TMEM255A: variants seen among roughly 807,000 people sequenced by gnomAD.
TMEM255A encodes transmembrane protein 255A.
In TMEM255A, 14 loss-of-function variants were observed where a neutral mutation model predicts 23.5. The ratio of observed to expected loss-of-function variants is 0.60; its 90% CI spans 0.39 to 0.93. The LOEUF (loss-of-function observed/expected upper bound fraction) is 0.93. Ranked by LOEUF, TMEM255A falls within the 40% of genes least tolerant of loss-of-function variation. The probability of loss-of-function intolerance (pLI) is 0.00; values close to 1 mark genes in which losing one functional copy is unlikely to be tolerated. For missense variants in TMEM255A, 233 were observed against 261.7 expected (o/e 0.89, Z 0.76); for synonymous variants, 104 against 100.3 (o/e 1.04, Z -0.22).
At chrX:120,271,279 TAGAA>T (rs1189504888) in intron 7 of TMEM255A, among the ~76,000 whole-genome samples, 32 of 111,753 alleles carry the variant, frequency 2.9e-4, no homozygotes, top group Admixed American at 2.6e-3. Flanking sequence ...TGGGATGAAA[TAGAA>T]AGAGCAAAGG....
downstream of TMEM255A, chrX:120,258,529 T>G (rs782004352): frequency 3.5e-5 from 4 of 113,351 alleles, no homozygotes; most frequent in East Asian, 8.3e-4. Context: ...CCACTAGGTT[T>G]TATATGTTGG....
intron 2 of TMEM255A, among the ~76,000 whole-genome samples, chrX:120,295,294 C>T (rs2057946885): frequency 9.0e-6 from 1 of 111,444 alleles, no homozygotes; most frequent in Non-Finnish European, 1.9e-5. Context: ...CTCACAGGGA[C>T]ATCTATTTCA....
chrX:120,298,193 C>G (rs1271796425), intron 2 of TMEM255A, among the ~76,000 whole-genome samples: 1 of 111,178 alleles, frequency 9.0e-6, no homozygotes, highest in Non-Finnish European at 1.9e-5. Flanking sequence ...TGTTCCCATT[C>G]ACTGTCCCAG....
chrX:120,272,184 G>C (rs949663845), intron 7 of TMEM255A, among the ~76,000 whole-genome samples: 2 of 111,311 alleles, frequency 1.8e-5, no homozygotes, highest in Non-Finnish European at 1.9e-5. Context: ...GGGGAGCCCT[G>C]TCTGCACCTA....
downstream of TMEM255A, chrX:120,254,619 C>A (rs1556015019): frequency 8.3e-7 from 1 of 1,211,509 alleles, no homozygotes; most frequent in East Asian, 3.0e-5. Flanking sequence ...TACTAATGAT[C>A]CAGGCGTAGG....
intron 7 of TMEM255A, among the ~76,000 whole-genome samples, chrX:120,274,882 C>T (rs1216181145): frequency 9.0e-6 from 1 of 111,695 alleles, no homozygotes; most frequent in Non-Finnish European, 1.9e-5. Flanking sequence ...ACCACCTACT[C>T]CATTTGTGCA....
At chrX:120,295,447 T>C (rs1052015508) in intron 2 of TMEM255A, among the ~76,000 whole-genome samples, 1 of 110,754 alleles carries the variant, frequency 9.0e-6, no homozygotes, top group Non-Finnish European at 1.9e-5. Context: ...GGAATGAATG[T>C]AAATCTCCAG....
chrX:120,253,426 G>A, the TMEM255A span: 1 of 1,209,167 alleles, frequency 8.3e-7, no homozygotes, highest in Non-Finnish European at 1.1e-6. Flanking sequence ...ATGGAGAGTA[G>A]AAAACTGATT....
intron 8 of TMEM255A, among the ~76,000 whole-genome samples, chrX:120,266,059 C>G: frequency 9.5e-6 from 1 of 105,749 alleles, no homozygotes; most frequent in South Asian, 4.4e-4. Flanking sequence ...GAGGCTGAGG[C>G]AGGAGAATCG....
intron 5 of TMEM255A, chrX:120,285,680 G>A (rs782433655): frequency 6.8e-5 from 82 of 1,209,092 alleles, no homozygotes; most frequent in Non-Finnish European, 8.3e-5. Flanking sequence ...AGAATTTTTG[G>A]TTGAGGAACT....
intron 4 of TMEM255A, among the ~76,000 whole-genome samples, chrX:120,290,199 A>G (rs959525808): frequency 8.9e-6 from 1 of 112,063 alleles, no homozygotes; most frequent in Non-Finnish European, 1.9e-5. Flanking sequence ...ATTATATCTC[A>G]ATAAAGCTAT....
At chrX:120,252,409 C>A in the TMEM255A span, among the ~76,000 whole-genome samples, 1 of 110,498 alleles carries the variant, frequency 9.0e-6, no homozygotes, top group Non-Finnish European at 1.9e-5. Flanking sequence ...CTGGAAATAT[C>A]TTCTGCAAAG....
chrX:120,264,578 C>T (rs2057702772), intron 8 of TMEM255A, among the ~76,000 whole-genome samples: 1 of 110,975 alleles, frequency 9.0e-6, no homozygotes, highest in Non-Finnish European at 1.9e-5. Flanking sequence ...AGTCTTTTTT[C>T]CTCATCCTCC....
chrX:120,255,365 T>C, downstream of TMEM255A: 2 of 1,211,534 alleles, frequency 1.7e-6, no homozygotes, highest in Non-Finnish European at 2.2e-6. Context: ...AGGAAAATGA[T>C]TCAATTTTTA....
Position 120,299,176 on chromosome X carries a change from C to T in TMEM255A, c.202-5125G>A, listed in dbSNP as rs781833249. On this transcript the variant is annotated intron_variant, in intron 2 of 8. Coordinates refer to ENST00000371369, the MANE Select transcript of TMEM255A (RefSeq NM_001104544.3). ...TTATTTATTTAGAGACAGGATCTCA[C>T]TCTGTCACCCAGTCTGGAATTCAGT... is the stretch of plus-strand genomic sequence containing the variant. Among the ~76,000 whole-genome samples the T allele has an allele frequency of 6.5e-4, 73 of 111,948 alleles. No homozygotes were observed. In the South Asian group the frequency reaches 0.025, roughly 39 times the overall value.
At chrX:120,272,526 G>A (rs2147186503) in intron 7 of TMEM255A, among the ~76,000 whole-genome samples, 1 of 110,898 alleles carries the variant, frequency 9.0e-6, no homozygotes, top group South Asian at 3.8e-4. Context: ...CCATGCTGCT[G>A]TTCTGATGAT....
At chrX:120,253,873 A>G (rs1219747667), downstream of TMEM255A, 6 of 1,209,506 alleles carry the variant, frequency 5.0e-6, no homozygotes, top group Non-Finnish European at 6.7e-6. Flanking sequence ...CAGAAATCAA[A>G]AGATGAAGCC....
chrX:120,294,665 T>C (rs1313246986), intron 2 of TMEM255A, among the ~76,000 whole-genome samples: 1 of 111,584 alleles, frequency 9.0e-6, no homozygotes, highest in Non-Finnish European at 1.9e-5. Flanking sequence ...ATGTGACTGG[T>C]GAGTCAGTAA....
intron 8 of TMEM255A, among the ~76,000 whole-genome samples, chrX:120,262,517 C>T (rs1196116871): frequency 9.0e-6 from 1 of 111,316 alleles, no homozygotes; most frequent in Non-Finnish European, 1.9e-5. Flanking sequence ...GGACTCAAGA[C>T]AATCTAGATT....
Sources: allele counts gnomAD v4.1 joint callset (sites outside exome capture counted in the v4.1 genomes callset), GRCh38; gene constraint gnomAD v4.1.1; transcripts MANE v1.5; gene names NCBI Gene and HGNC (gene_info 2026-07-23, HGNC 2026-07-21).